Variants in CLINT1 observed in about 807,000 individuals in gnomAD.
CLINT1 encodes clathrin interactor 1.
In CLINT1, 15 loss-of-function variants were observed where a neutral mutation model predicts 70.4. The ratio of observed to expected loss-of-function variants is 0.21; its 90% CI spans 0.14 to 0.33. The LOEUF (loss-of-function observed/expected upper bound fraction) is 0.33, where lower values mean the gene tolerates loss of function less well. Among genes scored for constraint, CLINT1 ranks in the 10% least tolerant of loss-of-function variants. The pLI is 1.00. For missense variants in CLINT1, 615 were observed against 778.1 expected, an observed-to-expected ratio of 0.79 and a Z score of 2.49; for synonymous variants, 227 against 254.7, an observed-to-expected ratio of 0.89 and a Z score of 1.04.
chr5:157,845,026 C>T (rs1198176617), intron 1 of CLINT1, among the ~76,000 whole-genome samples: 1 of 152,154 alleles, frequency 6.6e-6, no homozygotes, highest in Non-Finnish European at 1.5e-5. Flanking sequence ...GAAAACAGAA[C>T]ACACTGCAAC....
At chr5:157,808,410 T>A (rs112256802) in intron 6 of CLINT1, among the ~76,000 whole-genome samples, 1 of 152,100 alleles carries the variant, frequency 6.6e-6, no homozygotes, top group African/African-American at 2.4e-5. Flanking sequence ...AGAACTCACT[T>A]GAAGGCTTGG....
Position 157,787,814 on chromosome 5 carries a change from C to A in CLINT1, c.1710G>T (p.Pro570=). 2 of 1,613,964 alleles carry A rather than the reference C, an allele frequency of 1.2e-6. No individual in the cohort carries two copies. Among genetic ancestry groups the A allele is most frequent in the Non-Finnish European group, 8.5e-7 (1 of 1,179,882 alleles). Residue 570 remains proline, a synonymous_variant, in exon 12 of 12, where the codon CCG becomes CCT. Coordinates refer to ENST00000411809, the MANE Select transcript of CLINT1 (RefSeq NM_014666.4). ...TGCCCATCATGCTCTGGTTCATCAT[C>A]GGAGTATTTCCAAGAGGGGCCATTC... ...TMGMAPLGNT[P]MMNQSMMGMN... is the part of the protein sequence containing the mutation.
At chr5:157,830,763 T>TCC (rs1470699025) in intron 1 of CLINT1, among the ~76,000 whole-genome samples, 11 of 67,530 alleles carry the variant, frequency 1.6e-4, no homozygotes, top group Admixed American at 6.9e-4. Context: ...TCTCCCTCTC[T>TCC]CTCTCTCTCT....
intron 7 of CLINT1, 92 bp downstream of exon 7, chr5:157,805,774 C>T: frequency 6.8e-7 from 1 of 1,468,048 alleles, no homozygotes; most frequent in East Asian, 2.3e-5. Flanking sequence ...ATATGATTGC[C>T]TAGAAATGCC....
chr5:157,822,633 TC>T (rs529695789), intron 1 of CLINT1, among the ~76,000 whole-genome samples: 127 of 152,340 alleles, frequency 8.3e-4, no homozygotes, highest in Admixed American at 2.8e-3. Context: ...ATCGTAGCCC[TC>T]CTCTTTATTC....
intron 1 of CLINT1, among the ~76,000 whole-genome samples, chr5:157,826,132 G>C (rs1481083272): frequency 1.3e-5 from 2 of 152,062 alleles, no homozygotes; most frequent in Non-Finnish European, 2.9e-5. Flanking sequence ...AATTCAAAAA[G>C]CTGTAAGAAC....
chr5:157,858,840 C>T, intron 1 of CLINT1, 90 bp downstream of exon 1: 2 of 1,389,956 alleles, frequency 1.4e-6, no homozygotes, highest in Non-Finnish European at 9.9e-7. Flanking sequence ...GGGGGCGTGA[C>T]GTGGGCAACC....
chr5:157,845,633 G>A (rs1456606851), intron 1 of CLINT1, among the ~76,000 whole-genome samples: 1 of 150,340 alleles, frequency 6.7e-6, no homozygotes, highest in African/African-American at 2.4e-5. Context: ...CTCACTGCAA[G>A]CTCCGCCTCC....
intron 1 of CLINT1, among the ~76,000 whole-genome samples, chr5:157,838,993 G>C (rs111969764): frequency 0.028 from 4,216 of 152,254 alleles, 157 homozygotes; most frequent in East Asian, 0.18. Context: ...CCAGCACTTT[G>C]GGAGGTGGGC....
intron 10 of CLINT1, 65 bp from the exon 11 acceptor site, chr5:157,789,578 GA>G: frequency 1.2e-6 from 2 of 1,607,420 alleles, no homozygotes; most frequent in Non-Finnish European, 1.7e-6. Context: ...CTGGAAAATA[GA>G]AAAATGCTCT....
In CLINT1 at chr5:157,859,085, T is replaced by G; in HGVS notation, c.-115A>C. The G allele has an allele frequency of 1.7e-6, 2 of 1,144,412 alleles. No individual in the cohort carries two copies. Among genetic ancestry groups the G allele is most frequent in the East Asian group, 2.9e-5 (1 of 34,774 alleles). 70.9% of individuals were successfully genotyped at this position (1,144,412 alleles called of 1,614,324 possible). ...GTCACCGCCGCCCGCCGCCTCGAACTCCCCCAGTCAGCTCCTTCCTTTGCC... is the reference window on the plus strand; with the variant it reads ...GTCACCGCCGCCCGCCGCCTCGAACGCCCCCAGTCAGCTCCTTCCTTTGCC... On this transcript the variant is annotated 5_prime_UTR_variant, in exon 1 of 12. Transcript: ENST00000411809.
chr5:157,856,702 T>C (rs569431453), intron 1 of CLINT1, among the ~76,000 whole-genome samples: 10 of 152,314 alleles, frequency 6.6e-5, no homozygotes, highest in African/African-American at 2.4e-4. Context: ...CATCAGTAAA[T>C]CAACCTCATG....
In CLINT1 at chr5:157,787,806, T is replaced by C. The variant is rs1367206379; in HGVS notation, c.1718A>G (p.Asn573Ser). The C allele has an allele frequency of 2.5e-6, 4 of 1,613,956 alleles. No homozygotes were observed. The highest frequency in any genetic ancestry group is 1.6e-4 in the Middle Eastern group (1 of 6,062). ...CATGTTCATGCCCATCATGCTCTGG[T>C]TCATCATCGGAGTATTTCCAAGAGG... ...MAPLGNTPMMNQSMMGMNMNI... is the reference protein window; with the variant it reads ...MAPLGNTPMMSQSMMGMNMNI... Residue 573 changes from asparagine (N) to serine (S), a missense_variant, in exon 12 of 12, where the codon AAC becomes AGC. Physicochemically the swap from Asn to Ser is conservative, Grantham distance 46. Transcript: ENST00000411809.
At chr5:157,826,288 A>G (rs1269722324) in intron 1 of CLINT1, among the ~76,000 whole-genome samples, 3 of 152,184 alleles carry the variant, frequency 2.0e-5, no homozygotes, top group African/African-American at 7.2e-5. Flanking sequence ...GATAATGAAT[A>G]CATATCGTCA....
At chr5:157,847,932 C>T (rs1425231955) in intron 1 of CLINT1, among the ~76,000 whole-genome samples, 1 of 152,126 alleles carries the variant, frequency 6.6e-6, no homozygotes, top group Admixed American at 6.5e-5. Flanking sequence ...CCTACCTCAG[C>T]CTCTTGAGTA....
intron 1 of CLINT1, among the ~76,000 whole-genome samples, chr5:157,827,205 C>T (rs900784524): frequency 1.5e-4 from 23 of 152,064 alleles, no homozygotes; most frequent in African/African-American, 5.1e-4. Flanking sequence ...AAAAGATTAC[C>T]TAATACGAAT....
At chr5:157,834,314 G>C (rs985171705) in intron 1 of CLINT1, among the ~76,000 whole-genome samples, 1 of 151,902 alleles carries the variant, frequency 6.6e-6, no homozygotes, top group Admixed American at 6.6e-5. Context: ...GCAGTAAGCC[G>C]AGACTGCGCC....
intron 1 of CLINT1, among the ~76,000 whole-genome samples, chr5:157,836,365 A>G (rs1335978818): frequency 6.6e-6 from 1 of 152,212 alleles, no homozygotes; most frequent in Non-Finnish European, 1.5e-5. Context: ...CAAAACATGA[A>G]CCCAGGCAGT....
chr5:157,827,479 G>T (rs1763076161), intron 1 of CLINT1, among the ~76,000 whole-genome samples: 1 of 152,208 alleles, frequency 6.6e-6, no homozygotes, highest in Admixed American at 6.5e-5. Flanking sequence ...CAGGATAGTG[G>T]TGGGATTTCT....
Sources: allele counts gnomAD v4.1 joint callset (sites outside exome capture counted in the v4.1 genomes callset), GRCh38; gene constraint gnomAD v4.1.1; transcripts MANE v1.5; gene names NCBI Gene and HGNC (gene_info 2026-07-23, HGNC 2026-07-21).